The following CDIN1 variants were observed in gnomAD, a reference collection of about 807,000 sequenced individuals.
CDIN1 encodes the protein CDAN1-interacting nuclease 1.
A neutral mutation model predicts 45.3 loss-of-function variants in CDIN1; 33 were observed. That is an observed-to-expected ratio of 0.73 (90% CI 0.55 to 0.97). The LOEUF is 0.97. Among genes scored for constraint, CDIN1 ranks in the 50% least tolerant of loss-of-function variants. The pLI is 0.00. For synonymous variants in CDIN1, 118 were observed against 124.4 expected (o/e 0.95, Z 0.34); for missense variants, 303 against 339.4 (o/e 0.89, Z 0.84).
rs16963903 is a variant in CDIN1 at position 36,709,632 on chromosome 15, A to G, written c.611-224A>G. On this transcript the variant is annotated intron_variant, in intron 9 of 10. Transcript: ENST00000566621. ...ATACAGGCAGTCTGAGAACTAGGAA[A>G]GGGAGTTTTGAAGAATATAATGAAA... 0.16 allele frequency among the ~76,000 whole-genome samples: 24,304 copies of G among 152,126 alleles called. 2,055 individuals are homozygous for G. Among genetic ancestry groups the G allele is most frequent in the East Asian group, 0.25 (1,301 of 5,160 alleles).
chr15:36,708,989 G>A (rs1220729872), intron 8 of CDIN1: 2 of 364,258 alleles, frequency 5.5e-6, no homozygotes, highest in African/African-American at 4.2e-5. Flanking sequence ...AACTCGTGAT[G>A]TTTATAATAA....
At chr15:36,721,925 C>T (rs1019748456) in intron 10 of CDIN1, among the ~76,000 whole-genome samples, 1 of 152,020 alleles carries the variant, frequency 6.6e-6, no homozygotes, top group African/African-American at 2.4e-5. Context: ...CCTGGGCTCG[C>T]CATTTGGACA....
chr15:36,801,340 AC>A (rs2055039273), intron 10 of CDIN1, among the ~76,000 whole-genome samples: 1 of 152,098 alleles, frequency 6.6e-6, no homozygotes, highest in Non-Finnish European at 1.5e-5. Flanking sequence ...GTAAAAGCAT[AC>A]TAGTTTAAAA....
At chr15:36,622,913 A>G (rs1015350536) in intron 1 of CDIN1, among the ~76,000 whole-genome samples, 5 of 152,150 alleles carry the variant, frequency 3.3e-5, no homozygotes, top group South Asian at 2.1e-4. Context: ...GGGGGAAGAA[A>G]ATTGAAGCTT....
At chr15:36,734,259 T>C (rs1343206116) in intron 10 of CDIN1, 1 of 251,572 alleles carries the variant, frequency 4.0e-6, no homozygotes, top group Non-Finnish European at 8.2e-6. Context: ...TGATCAGAAA[T>C]ATCAGTGCAT....
intron 1 of CDIN1, among the ~76,000 whole-genome samples, chr15:36,639,466 G>T (rs534352394): frequency 1.3e-5 from 2 of 152,094 alleles, no homozygotes; most frequent in Non-Finnish European, 2.9e-5. Context: ...TTAGCCGGGC[G>T]TGGTGGCAGC....
At chr15:36,798,745 C>T (rs1404093483) in intron 10 of CDIN1, 2 of 152,186 alleles carry the variant, frequency 1.3e-5, no homozygotes, top group Admixed American at 1.3e-4. Context: ...ACTCCATTCC[C>T]TCCATTAGCG....
At chr15:36,703,044 A>G (rs977868968) in intron 8 of CDIN1, among the ~76,000 whole-genome samples, 14 of 150,260 alleles carry the variant, frequency 9.3e-5, no homozygotes, top group Non-Finnish European at 1.8e-4. Context: ...CACTCCCCCA[A>G]CGTCCACTCT....
At chr15:36,669,919 T>A (rs537040647) in intron 5 of CDIN1, among the ~76,000 whole-genome samples, 1 of 152,204 alleles carries the variant, frequency 6.6e-6, no homozygotes, top group African/African-American at 2.4e-5. Context: ...TTTGCTAGAT[T>A]TCTCCATTGT....
chr15:36,595,532 G>A (rs985522761), intron 1 of CDIN1, among the ~76,000 whole-genome samples: 3 of 152,004 alleles, frequency 2.0e-5, no homozygotes, highest in Admixed American at 6.6e-5. Flanking sequence ...AACACCTATT[G>A]AATAGTCTGC....
chr15:36,785,704 T>G (rs1463048601), intron 10 of CDIN1, among the ~76,000 whole-genome samples: 1 of 152,238 alleles, frequency 6.6e-6, no homozygotes, highest in Non-Finnish European at 1.5e-5. Context: ...AATTGGAAGT[T>G]GAGCACCTCT....
At chr15:36,790,234 G>A (rs1483902237) in intron 10 of CDIN1, 1 of 152,218 alleles carries the variant, frequency 6.6e-6, no homozygotes, top group Non-Finnish European at 1.5e-5. Context: ...CTCAAGCACA[G>A]AACTTGGCAG....
In CDIN1 at chr15:36,657,876, G is replaced by GGT; in HGVS notation, c.318_319dup (p.Phe107CysfsTer16). 1 of 1,611,846 alleles carries GGT rather than the reference G, an allele frequency of 6.2e-7. No homozygotes were observed. Among genetic ancestry groups the GGT allele is most frequent in the Non-Finnish European group, 8.5e-7 (1 of 1,179,014 alleles). Reference sequence around the variant, plus strand: ...TTAATGGCTCGGCTTATACTGGAGAGGTTTCTACAGGAACACGAGGAAACT... The same window carrying GGT: ...TTAATGGCTCGGCTTATACTGGAGAGGTGTTTCTACAGGAACACGAGGAAACT... On this transcript the variant is annotated frameshift_variant, in exon 5 of 11. Coordinates refer to ENST00000566621, the MANE Select transcript of CDIN1 (RefSeq NM_001321759.2). LOFTEE classifies it high-confidence loss of function.
At chr15:36,659,838 A>G (rs1299462690) in intron 5 of CDIN1, among the ~76,000 whole-genome samples, 1 of 152,074 alleles carries the variant, frequency 6.6e-6, no homozygotes, top group Non-Finnish European at 1.5e-5. Flanking sequence ...AGGGTTTATC[A>G]TTTCAAAAAG....
intron 5 of CDIN1, among the ~76,000 whole-genome samples, chr15:36,674,470 T>C (rs967277631): frequency 2.2e-4 from 34 of 152,182 alleles, no homozygotes; most frequent in Non-Finnish European, 4.6e-4. Flanking sequence ...AAAGGCAATG[T>C]TGGTCAAGCT....
intron 10 of CDIN1, among the ~76,000 whole-genome samples, chr15:36,785,415 T>A (rs2054463664): frequency 6.6e-6 from 1 of 151,846 alleles, no homozygotes; most frequent in East Asian, 1.9e-4. Context: ...GAAAAGCGGT[T>A]GGATAATCAC....
chr15:36,591,884 C>G (rs985367993), intron 1 of CDIN1: 1 of 152,208 alleles, frequency 6.6e-6, no homozygotes, highest in Admixed American at 6.5e-5. Flanking sequence ...ACTCCCATCC[C>G]TCTAGGGGCC....
intron 8 of CDIN1, among the ~76,000 whole-genome samples, chr15:36,702,441 T>G (rs1175516219): frequency 1.3e-5 from 2 of 152,188 alleles, no homozygotes; most frequent in East Asian, 3.9e-4. Flanking sequence ...CGGCTGAATT[T>G]GAGATTCAGC....
At chr15:36,784,922 G>T (rs28480404) in intron 10 of CDIN1, among the ~76,000 whole-genome samples, 26,999 of 151,874 alleles carry the variant, frequency 0.18, 4,437 homozygotes, top group African/African-American at 0.44. Flanking sequence ...TGGTATGGCA[G>T]GTGTGATTTT....
Sources: gnomAD v4.1 joint callset for allele counts (sites outside exome capture counted in the v4.1 genomes callset) on GRCh38, gnomAD v4.1.1 for gene constraint, MANE v1.5 for transcripts, NCBI Gene and HGNC (gene_info 2026-07-23, HGNC 2026-07-21) for gene names.